The following HRH1 variants were observed in gnomAD, a reference collection of about 807,000 sequenced individuals.
HRH1 encodes histamine H1 receptor.
HRH1 carries 6 observed loss-of-function variants against 10.3 expected under a neutral mutation model. The ratio of observed to expected loss-of-function variants is 0.58; its 90% confidence interval spans 0.32 to 1.15. The LOEUF is 1.15. Ranked by LOEUF, HRH1 falls within the 50% of genes most tolerant of loss-of-function variation. The probability of loss-of-function intolerance (pLI) is 0.05; values close to 1 mark genes in which losing one functional copy is unlikely to be tolerated. For missense variants in HRH1, 514 were observed against 615.3 expected (o/e 0.84, Z 1.74); for synonymous variants, 242 against 236.7 (o/e 1.02, Z -0.21).
chr3:11,192,264 G>A (rs1574999420), intron 1 of HRH1, among the ~76,000 whole-genome samples: 1 of 152,326 alleles, frequency 6.6e-6, no homozygotes. Context: ...GCACCTTGAA[G>A]CCTCCTCATG....
intron 1 of HRH1, among the ~76,000 whole-genome samples, chr3:11,178,464 G>A (rs992946396): frequency 1.3e-5 from 2 of 152,150 alleles, no homozygotes; most frequent in African/African-American, 2.4e-5. Flanking sequence ...CAGTTTCTGC[G>A]CAACCCTCTT....
chr3:11,208,138 T>C (rs1021476245), intron 1 of HRH1, among the ~76,000 whole-genome samples: 16 of 150,152 alleles, frequency 1.1e-4, no homozygotes, highest in African/African-American at 2.9e-4. Context: ...AATTTTAGAT[T>C]GACTCCAGTT....
At chr3:11,249,071 A>T (rs1452832019) in intron 1 of HRH1, among the ~76,000 whole-genome samples, 2 of 152,080 alleles carry the variant, frequency 1.3e-5, no homozygotes, top group Admixed American at 6.5e-5. Flanking sequence ...TAGTTTTATC[A>T]TTGGGTATGA....
chr3:11,209,444 T>C (rs1437923676), intron 1 of HRH1, among the ~76,000 whole-genome samples: 2 of 152,214 alleles, frequency 1.3e-5, no homozygotes, highest in Non-Finnish European at 2.9e-5. Context: ...GATTCTTGAC[T>C]CTTTTCTTTG....
intron 1 of HRH1, among the ~76,000 whole-genome samples, chr3:11,254,241 A>G (rs1446141703): frequency 1.3e-5 from 2 of 152,130 alleles, no homozygotes; most frequent in Non-Finnish European, 2.9e-5. Flanking sequence ...AACCTCTCCT[A>G]CTAGAGATTT....
intron 1 of HRH1, among the ~76,000 whole-genome samples, chr3:11,140,996 T>A (rs1213610509): frequency 6.6e-6 from 1 of 152,124 alleles, no homozygotes; most frequent in Non-Finnish European, 1.5e-5. Flanking sequence ...GGGAAGGTGT[T>A]TGTTGCCTTT....
chr3:11,167,141 C>G (rs1574984568), intron 1 of HRH1, among the ~76,000 whole-genome samples: 4 of 149,596 alleles, frequency 2.7e-5, no homozygotes. Flanking sequence ...ATCTGCTGTC[C>G]CCTGTATTCT....
At chr3:11,156,760 T>G (rs1349857222) in intron 1 of HRH1, among the ~76,000 whole-genome samples, 9 of 152,214 alleles carry the variant, frequency 5.9e-5, no homozygotes, top group Admixed American at 5.9e-4. Context: ...CTAAAAGTGT[T>G]AAGAGTCCAT....
At chr3:11,250,687 T>C (rs1476029507) in intron 1 of HRH1, among the ~76,000 whole-genome samples, 1 of 152,178 alleles carries the variant, frequency 6.6e-6, no homozygotes, top group Non-Finnish European at 1.5e-5. Context: ...GGAAGATCAG[T>C]AGTAGAATGT....
chr3:11,174,295 C>G (rs113503802), intron 1 of HRH1, among the ~76,000 whole-genome samples: 2 of 152,172 alleles, frequency 1.3e-5, no homozygotes, highest in African/African-American at 4.8e-5. Context: ...CATGGCTCAC[C>G]TTCTAGGGAT....
Position 11,191,960 on chromosome 3 carries a change from T to C in HRH1, c.-36+37406T>C, listed in dbSNP as rs552360306. On this transcript the variant is annotated intron_variant, in intron 1 of 1. Coordinates refer to ENST00000431010, the MANE Select transcript of HRH1 (RefSeq NM_001098212.2). ...TGAATGCAGTGCTAGACTCTTCTTA[T>C]GGGGAAAAGAGGCCCATGGGTTTAA... Among the ~76,000 whole-genome samples, 5 of 152,210 alleles carry C rather than the reference T, an allele frequency of 3.3e-5. No individual in the cohort carries two copies. The South Asian group carries it at 1.0e-3, about 32-fold the overall frequency.
Position 11,259,681 on chromosome 3 carries a change from A to G in HRH1, c.644A>G (p.Lys215Arg). 1 of 1,613,844 alleles carries G rather than the reference A, an allele frequency of 6.2e-7. No individual in the cohort carries two copies. The highest frequency in any genetic ancestry group is 1.1e-5 in the South Asian group (1 of 91,038). The change falls in exon 2 of 2, where the codon AAG becomes AGG. Residue 215 changes from lysine (K) to arginine (R), a missense_variant. Transcript: ENST00000431010. The surrounding 1 kb of genome is among the most constrained non-coding windows in gnomAD (Gnocchi z 4.6). ...CTCTGGTTCTATGCCAAGATCTACA[A>G]GGCCGTACGACAACACTGCCAGCAC... ...LMLWFYAKIYKAVRQHCQHRE... is the reference protein window; with the variant it reads ...LMLWFYAKIYRAVRQHCQHRE...
At position 11,210,287 on chromosome 3, in the gene HRH1, G is replaced by A. The variant is rs543602322; in HGVS notation, c.-35-48716G>A. On this transcript the variant is annotated intron_variant, in intron 1 of 1. Coordinates refer to ENST00000431010, the MANE Select transcript of HRH1 (RefSeq NM_001098212.2). ...TGAGTACCTGTGGTCTCAGCTACTC[G>A]GGATGCTGAGATGGGAGAGTTGCTT... 9.2e-5 allele frequency among the ~76,000 whole-genome samples: 14 copies of A among 152,234 alleles called. 1 individual carries two copies. In the South Asian group the frequency reaches 2.9e-3, roughly 32 times the overall value.
At chr3:11,174,475 A>G (rs1308913892) in intron 1 of HRH1, among the ~76,000 whole-genome samples, 1 of 152,202 alleles carries the variant, frequency 6.6e-6, no homozygotes, top group Non-Finnish European at 1.5e-5. Flanking sequence ...CTCTGAATGC[A>G]GGGACCCAGG....
intron 1 of HRH1, among the ~76,000 whole-genome samples, chr3:11,238,503 C>A (rs1034266449): frequency 6.6e-6 from 1 of 152,180 alleles, no homozygotes; most frequent in Non-Finnish European, 1.5e-5. Flanking sequence ...CCCAGAGCAG[C>A]CTCTTTCTTC....
At chr3:11,238,598 T>G (rs1197220697) in intron 1 of HRH1, among the ~76,000 whole-genome samples, 2 of 152,210 alleles carry the variant, frequency 1.3e-5, no homozygotes, top group Non-Finnish European at 2.9e-5. Flanking sequence ...AATCATACAA[T>G]TCAGTTATCG....
chr3:11,255,286 TA>T (rs1939756058), intron 1 of HRH1, among the ~76,000 whole-genome samples: 1 of 151,688 alleles, frequency 6.6e-6, no homozygotes, highest in Admixed American at 6.6e-5. Flanking sequence ...TAACGTAAAA[TA>T]AAAAATGGTT....
intron 1 of HRH1, among the ~76,000 whole-genome samples, chr3:11,157,550 A>G (rs1936836163): frequency 6.6e-6 from 1 of 152,234 alleles, no homozygotes. Context: ...CACTTCTGCC[A>G]TTAATGGTTG....
At chr3:11,249,135 G>A (rs960212864) in intron 1 of HRH1, among the ~76,000 whole-genome samples, 1 of 152,134 alleles carries the variant, frequency 6.6e-6, no homozygotes, top group African/African-American at 2.4e-5. Context: ...GGTGGCTCAT[G>A]CCTGTAATCC....
Sources: allele counts gnomAD v4.1 joint callset (sites outside exome capture counted in the v4.1 genomes callset), GRCh38; gene constraint gnomAD v4.1.1; non-coding constraint Gnocchi (gnomAD v3.1); transcripts MANE v1.5; gene names NCBI Gene and HGNC (gene_info 2026-07-23, HGNC 2026-07-21).